The following MAPK4 variants were observed in gnomAD, a reference collection of about 807,000 sequenced individuals.
The protein encoded by MAPK4 is Erk3-related.
In MAPK4, 22 loss-of-function variants were observed where a neutral mutation model predicts 47.7. That is an observed-to-expected ratio of 0.46 (90% CI 0.33 to 0.66). The LOEUF is 0.66. Ranked by LOEUF, MAPK4 falls within the 30% of genes least tolerant of loss-of-function variation. The probability of loss-of-function intolerance (pLI) is 0.02; values close to 1 mark genes in which losing one functional copy is unlikely to be tolerated. For synonymous variants in MAPK4, 390 were observed against 365.7 expected (o/e 1.07, Z -0.76); for missense variants, 736 against 831.7 (o/e 0.88, Z 1.42).
At chr18:50,658,334 C>T (rs956783443) in intron 1 of MAPK4, among the ~76,000 whole-genome samples, 1 of 152,178 alleles carries the variant, frequency 6.6e-6, no homozygotes, top group Non-Finnish European at 1.5e-5. Context: ...GTAAGAGTCA[C>T]TCGCTGGGGC....
At chr18:50,684,323 T>C (rs1908747800) in intron 2 of MAPK4, among the ~76,000 whole-genome samples, 1 of 152,094 alleles carries the variant, frequency 6.6e-6, no homozygotes, top group African/African-American at 2.4e-5. Context: ...GGTGGGAGGA[T>C]TGCTTGAGGC....
At chr18:50,568,969 C>T (rs2149357529) in intron 1 of MAPK4, among the ~76,000 whole-genome samples, 1 of 152,226 alleles carries the variant, frequency 6.6e-6, no homozygotes, top group Middle Eastern at 3.4e-3. Context: ...TTATGTTGAG[C>T]TTTTAGCTGC....
chr18:50,639,355 C>G (rs1171098710), intron 1 of MAPK4, among the ~76,000 whole-genome samples: 1 of 152,148 alleles, frequency 6.6e-6, no homozygotes, highest in Non-Finnish European at 1.5e-5. Context: ...CTGAAAAACC[C>G]TTTTCCATGG....
intron 4 of MAPK4, among the ~76,000 whole-genome samples, chr18:50,723,718 G>C (rs1911051473): frequency 6.6e-6 from 1 of 152,056 alleles, no homozygotes; most frequent in African/African-American, 2.4e-5. Flanking sequence ...TAACAAATTA[G>C]CTGGGCATGG....
intron 1 of MAPK4, among the ~76,000 whole-genome samples, chr18:50,614,972 C>T (rs1252740021): frequency 6.6e-6 from 1 of 152,194 alleles, no homozygotes; most frequent in Non-Finnish European, 1.5e-5. Context: ...CTGTACTCTG[C>T]GTCTGTCTCT....
intron 2 of MAPK4, among the ~76,000 whole-genome samples, chr18:50,666,645 T>C (rs1907617647): frequency 6.6e-6 from 1 of 152,150 alleles, no homozygotes; most frequent in Non-Finnish European, 1.5e-5. Context: ...AATTTTGATG[T>C]TCTGACTTGC....
intron 1 of MAPK4, among the ~76,000 whole-genome samples, chr18:50,611,000 C>T (rs780228735): frequency 1.3e-5 from 2 of 152,118 alleles, no homozygotes; most frequent in Non-Finnish European, 2.9e-5. Context: ...TAATGACCAC[C>T]GAGGGTGTGT....
At chr18:50,660,746 G>A (rs1598880205) in intron 1 of MAPK4, among the ~76,000 whole-genome samples, 1 of 152,126 alleles carries the variant, frequency 6.6e-6, no homozygotes, top group East Asian at 1.9e-4. Flanking sequence ...GGGGGTGGTG[G>A]GGAAGCAGGA....
chr18:50,644,140 A>C (rs1333740630), intron 1 of MAPK4, among the ~76,000 whole-genome samples: 4 of 151,830 alleles, frequency 2.6e-5, no homozygotes, highest in Admixed American at 6.6e-5. Flanking sequence ...TGAAAAGGAC[A>C]CTTTGCTTAG....
At chr18:50,590,841 G>C (rs2042430652) in intron 1 of MAPK4, among the ~76,000 whole-genome samples, 2 of 152,084 alleles carry the variant, frequency 1.3e-5, no homozygotes, top group Admixed American at 1.3e-4. Flanking sequence ...CGCTTGGCTG[G>C]TAAATCATAC....
intron 1 of MAPK4, among the ~76,000 whole-genome samples, chr18:50,578,208 C>T (rs1598790913): frequency 1.3e-5 from 2 of 152,144 alleles, no homozygotes; most frequent in African/African-American, 4.8e-5. Context: ...TGCGAGCGCT[C>T]AGCTATCCTG....
intron 1 of MAPK4, among the ~76,000 whole-genome samples, chr18:50,634,646 AG>A (rs1300399768): frequency 6.6e-6 from 1 of 152,218 alleles, no homozygotes; most frequent in Non-Finnish European, 1.5e-5. Context: ...AGATCATGGA[AG>A]AAATTCTGTG....
intron 1 of MAPK4, among the ~76,000 whole-genome samples, chr18:50,648,099 CAGAGAG>C (rs146378809): frequency 1.7e-3 from 243 of 147,088 alleles, no homozygotes; most frequent in Admixed American, 2.8e-3. Context: ...AAGAAAGACC[CAGAGAG>C]AGAGAGAGAG....
At chr18:50,701,178 C>G (rs1326857848) in intron 2 of MAPK4, among the ~76,000 whole-genome samples, 1 of 150,436 alleles carries the variant, frequency 6.6e-6, no homozygotes, top group Non-Finnish European at 1.5e-5. Context: ...ACCCCCACCC[C>G]CACCCCCATC....
chr18:50,682,992 G>T (rs1461962613), intron 2 of MAPK4, among the ~76,000 whole-genome samples: 2 of 152,210 alleles, frequency 1.3e-5, no homozygotes, highest in South Asian at 2.1e-4. Flanking sequence ...ATTCTGTGTG[G>T]TTCCATTTAT....
chr18:50,667,721 ACT>A (rs2144267253), intron 2 of MAPK4, among the ~76,000 whole-genome samples: 1 of 151,446 alleles, frequency 6.6e-6, no homozygotes, highest in African/African-American at 2.4e-5. Context: ...GTTTGGAAAA[ACT>A]CTCAGAACAT....
At chr18:50,571,847 C>T (rs755371706) in intron 1 of MAPK4, among the ~76,000 whole-genome samples, 3 of 152,128 alleles carry the variant, frequency 2.0e-5, no homozygotes, top group African/African-American at 4.8e-5. Flanking sequence ...ATGACATCAC[C>T]TTCAGTATGC....
At chr18:50,567,914 C>T (rs746005686) in intron 1 of MAPK4, among the ~76,000 whole-genome samples, 6 of 151,812 alleles carry the variant, frequency 4.0e-5, no homozygotes, top group East Asian at 1.9e-4. Flanking sequence ...TAAAGAATTC[C>T]GGCTGGGCGC....
intron 1 of MAPK4, among the ~76,000 whole-genome samples, chr18:50,647,774 C>T (rs1276383027): frequency 1.3e-5 from 2 of 152,136 alleles, no homozygotes; most frequent in African/African-American, 4.8e-5. Flanking sequence ...CCAGCCTGGT[C>T]TTCAGTGCTC....
Sources: gnomAD v4.1 joint callset for allele counts (sites outside exome capture counted in the v4.1 genomes callset) on GRCh38, gnomAD v4.1.1 for gene constraint, MANE v1.5 for transcripts, NCBI Gene and HGNC (gene_info 2026-07-23, HGNC 2026-07-21) for gene names.